The following AFDN variants were observed in gnomAD, a reference collection of about 807,000 sequenced individuals.
AFDN encodes the protein afadin, adherens junction formation factor, also known as afadin.
Under a neutral mutation model 216.6 loss-of-function variants are expected in AFDN, and 68 were observed. That is an observed-to-expected ratio of 0.31 (90% CI 0.26 to 0.38). The LOEUF is 0.38. Ranked by LOEUF, AFDN falls within the 10% of genes least tolerant of loss-of-function variation. The pLI is 1.00. For missense variants in AFDN, 2,136 were observed against 2,342.0 expected (o/e 0.91, Z 1.82); for synonymous variants, 868 against 853.7 (o/e 1.02, Z -0.29).
Position 167,970,024 on chromosome 6 carries a change from G to C in AFDN, c.*89G>C. On this transcript the variant is annotated 3_prime_UTR_variant, in exon 34 of 34. Transcript: ENST00000683244. Reference sequence around the variant, plus strand: ...CGAGTTTGAAGAGGAAAAGAGGAAGGGGGTTATATTTCTAAGTGATTTACA... The same window carrying C: ...CGAGTTTGAAGAGGAAAAGAGGAAGCGGGTTATATTTCTAAGTGATTTACA... 9.9e-7 allele frequency: 1 copy of C among 1,005,982 alleles called. No homozygotes were observed. The highest frequency in any genetic ancestry group is 1.7e-5 in the South Asian group (1 of 57,902). The allele number at this position is 1,005,982 out of a possible 1,614,324, so 62.3% of individuals were successfully genotyped here.
At chr6:167,934,048 C>G (rs139094237) in intron 23 of AFDN, among the ~76,000 whole-genome samples, 1 of 152,148 alleles carries the variant, frequency 6.6e-6, no homozygotes, top group South Asian at 2.1e-4. Context: ...TCTGCTGAGT[C>G]GCACACCGCT....
At chr6:167,895,356 G>A (rs1372350621) in intron 9 of AFDN, among the ~76,000 whole-genome samples, 3 of 152,154 alleles carry the variant, frequency 2.0e-5, no homozygotes, top group Non-Finnish European at 4.4e-5. Flanking sequence ...AGGTCTAGAA[G>A]GGAGCTACCT....
chr6:167,878,750 C>T (rs1785738479), intron 5 of AFDN, among the ~76,000 whole-genome samples: 1 of 152,136 alleles, frequency 6.6e-6, no homozygotes, highest in East Asian at 1.9e-4. Context: ...CCTCATCTGC[C>T]CCTTTTCCCC....
chr6:167,915,861 A>G (rs1398737209), intron 19 of AFDN, among the ~76,000 whole-genome samples: 1 of 152,264 alleles, frequency 6.6e-6, no homozygotes, highest in Non-Finnish European at 1.5e-5. Context: ...TATAAGGTGT[A>G]TATGAAACAA....
intron 1 of AFDN, among the ~76,000 whole-genome samples, chr6:167,835,168 T>A (rs889164704): frequency 2.0e-5 from 3 of 152,184 alleles, no homozygotes; most frequent in Non-Finnish European, 2.9e-5. Flanking sequence ...TCACCACTGA[T>A]CTCATCAGAA....
At chr6:167,879,633 T>G (rs1290825431) in intron 5 of AFDN, among the ~76,000 whole-genome samples, 1 of 152,228 alleles carries the variant, frequency 6.6e-6, no homozygotes, top group Non-Finnish European at 1.5e-5. Context: ...GTGACAATAT[T>G]ATGACATATA....
chr6:167,932,871 C>T (rs1481246327), intron 23 of AFDN: 1 of 152,240 alleles, frequency 6.6e-6, no homozygotes, highest in African/African-American at 2.4e-5. Flanking sequence ...TTAACTTGCT[C>T]ATGAAGCAAC....
At chr6:167,881,772 A>G (rs545451041) in intron 6 of AFDN, among the ~76,000 whole-genome samples, 45 of 152,340 alleles carry the variant, frequency 3.0e-4, no homozygotes, top group Non-Finnish European at 5.0e-4. Flanking sequence ...AAGGGTCTTC[A>G]CTGAAAACAG....
At chr6:167,969,589 A>G (rs1193654433) in intron 33 of AFDN, among the ~76,000 whole-genome samples, 193 bp from the exon 34 acceptor site, 5 of 152,226 alleles carry the variant, frequency 3.3e-5, no homozygotes, top group Admixed American at 2.6e-4. Flanking sequence ...TGTTGTAGCC[A>G]AGAGAACATG....
In AFDN at chr6:167,962,873, C is replaced by A; in HGVS notation, c.4968+306C>A. 1.7e-6 allele frequency: 2 copies of A among 1,198,820 alleles called. No homozygotes were observed. Among genetic ancestry groups the A allele is most frequent in the Non-Finnish European group, 2.1e-6 (2 of 958,572 alleles). 74.3% of individuals were successfully genotyped at this position (1,198,820 alleles called of 1,614,324 possible). ...TCGTTTCCTCGGGCACTCATCTTTA[C>A]TGAACATGGCCCAGCTTGTCATTGT... On this transcript the variant is annotated intron_variant, in intron 31 of 33. Transcript: ENST00000683244. The surrounding 1 kb of genome is among the most constrained non-coding windows in gnomAD (Gnocchi z 5.2).
In AFDN at chr6:167,951,836, C is replaced by A; in HGVS notation, c.4482C>A (p.Pro1494=). Residue 1494 remains proline, a synonymous_variant, in exon 30 of 34, where the codon CCC becomes CCA. Coordinates refer to ENST00000683244, the MANE Select transcript of AFDN (RefSeq NM_001386888.1). This position sits in a 1 kb window ranked among gnomAD's most constrained non-coding sequence, Gnocchi z 7.1. ...GGGAGCTGCAGCCTCAGCAGCAGCC[C>A]CGCACGATCGAGCGCAGAGACTTGC... ...VIRELQPQQQ[P]RTIERRDLQY... The A allele has an allele frequency of 6.2e-7, 1 of 1,614,094 alleles. No homozygotes were observed. Among genetic ancestry groups the A allele is most frequent in the South Asian group, 1.1e-5 (1 of 91,074 alleles).
At chr6:167,840,605 T>G in intron 1 of AFDN, among the ~76,000 whole-genome samples, 1 of 152,352 alleles carries the variant, frequency 6.6e-6, no homozygotes. Context: ...AGCTTTGTTG[T>G]TGTAAGCTGC....
chr6:167,849,423 A>G (rs1311518385), intron 1 of AFDN, among the ~76,000 whole-genome samples: 2 of 151,668 alleles, frequency 1.3e-5, no homozygotes, highest in African/African-American at 4.9e-5. Flanking sequence ...AATTATAGCT[A>G]GAAATGATAG....
chr6:167,930,837 AC>A (rs1793195726), intron 23 of AFDN, among the ~76,000 whole-genome samples: 1 of 152,078 alleles, frequency 6.6e-6, no homozygotes, highest in Admixed American at 6.5e-5. Flanking sequence ...TGAAATAAGG[AC>A]CCTTGAGGTT....
intron 30 of AFDN, among the ~76,000 whole-genome samples, chr6:167,957,916 G>A (rs1796681333): frequency 6.6e-6 from 1 of 152,160 alleles, no homozygotes; most frequent in South Asian, 2.1e-4. Flanking sequence ...AGAGCACAAG[G>A]GCCTAAGCCA....
intron 1 of AFDN, among the ~76,000 whole-genome samples, chr6:167,834,439 G>T (rs1057410508): frequency 1.1e-4 from 8 of 76,190 alleles, no homozygotes; most frequent in Admixed American, 6.7e-4. Context: ...AATGATTTTT[G>T]TTGTTGTTGT....
At chr6:167,832,704 T>A (rs1233071392) in intron 1 of AFDN, among the ~76,000 whole-genome samples, 2 of 152,218 alleles carry the variant, frequency 1.3e-5, no homozygotes, top group Non-Finnish European at 2.9e-5. Flanking sequence ...TGAGTGAAAC[T>A]CTTTTGAGGA....
chr6:167,903,967 C>G (rs1789320895), intron 12 of AFDN, among the ~76,000 whole-genome samples: 1 of 152,108 alleles, frequency 6.6e-6, no homozygotes, highest in South Asian at 2.1e-4. Context: ...GGTATATTAC[C>G]CTCCTATAAA....
intron 1 of AFDN, among the ~76,000 whole-genome samples, chr6:167,854,319 T>A (rs1289651740): frequency 6.6e-6 from 1 of 152,078 alleles, no homozygotes; most frequent in Non-Finnish European, 1.5e-5. Context: ...TTAGAAACTC[T>A]TTATCTGTTA....
Sources: gnomAD v4.1 joint callset for allele counts (sites outside exome capture counted in the v4.1 genomes callset) on GRCh38, gnomAD v4.1.1 for gene constraint, Gnocchi (gnomAD v3.1) non-coding constraint, MANE v1.5 for transcripts, NCBI Gene and HGNC (gene_info 2026-07-23, HGNC 2026-07-21) for gene names.